Variants in LARGE1 observed in about 807,000 individuals in gnomAD.
LARGE1 encodes xylosyl- and glucuronyltransferase LARGE1.
In LARGE1, 43 loss-of-function variants were observed where a neutral mutation model predicts 87.6. That is an observed-to-expected ratio of 0.49 (90% CI 0.38 to 0.63). The LOEUF (loss-of-function observed/expected upper bound fraction) is 0.63, where lower values mean the gene tolerates loss of function less well. LARGE1 is among the 30% of genes least tolerant of loss of function. The pLI, the probability that LARGE1 is intolerant of heterozygous loss-of-function variation, is 0.00. For synonymous variants in LARGE1, 434 were observed against 394.6 expected (o/e 1.10, Z -1.18); for missense variants, 802 against 1,000.2 (o/e 0.80, Z 2.67).
intron 1 of LARGE1, among the ~76,000 whole-genome samples, chr22:33,776,698 T>C (rs1171785831): frequency 1.3e-5 from 2 of 152,192 alleles, no homozygotes; most frequent in Non-Finnish European, 2.9e-5. Flanking sequence ...GGACCAATAC[T>C]GGGAAATGCA....
chr22:33,903,301 T>C (rs2065338363), intron 1 of LARGE1, among the ~76,000 whole-genome samples: 1 of 152,044 alleles, frequency 6.6e-6, no homozygotes, highest in Admixed American at 6.6e-5. Flanking sequence ...AGGGAGAGGC[T>C]TTTGCCAACA....
intron 1 of LARGE1, among the ~76,000 whole-genome samples, chr22:33,782,239 G>A (rs561884507): frequency 2.6e-5 from 4 of 152,090 alleles, no homozygotes; most frequent in Non-Finnish European, 4.4e-5. Flanking sequence ...TGACTGAGAC[G>A]CATTTAAGAC....
At chr22:33,531,617 C>T (rs149277216) in intron 6 of LARGE1, among the ~76,000 whole-genome samples, 68 of 152,290 alleles carry the variant, frequency 4.5e-4, no homozygotes, top group African/African-American at 1.2e-3. Context: ...TATGTTGCAC[C>T]GATGCTGCTT....
At chr22:33,572,668 A>AG (rs2078240738) in intron 5 of LARGE1, among the ~76,000 whole-genome samples, 2 of 152,136 alleles carry the variant, frequency 1.3e-5, no homozygotes, top group Non-Finnish European at 2.9e-5. Flanking sequence ...TGAGGTCAGG[A>AG]GTTCAAGACC....
intron 1 of LARGE1, among the ~76,000 whole-genome samples, chr22:33,793,929 A>G (rs1043971004): frequency 6.6e-6 from 1 of 152,170 alleles, no homozygotes; most frequent in Non-Finnish European, 1.5e-5. Flanking sequence ...ATTGATAACC[A>G]TAATTTTTTT....
At chr22:33,373,972 C>CAAAAAAAAAAA (rs35830988) in intron 9 of LARGE1, among the ~76,000 whole-genome samples, 2 of 59,536 alleles carry the variant, frequency 3.4e-5, no homozygotes, top group African/African-American at 1.4e-4. Flanking sequence ...GACTCCGTCT[C>CAAAAAAAAAAA]AAAAAAAAAA....
At chr22:33,787,680 G>C (rs867016638) in intron 1 of LARGE1, among the ~76,000 whole-genome samples, 1 of 152,110 alleles carries the variant, frequency 6.6e-6, no homozygotes, top group Non-Finnish European at 1.5e-5. Flanking sequence ...CAGTTCAAAA[G>C]AACTTAGTGA....
the LARGE1 span, among the ~76,000 whole-genome samples, chr22:33,127,230 G>T: frequency 1.5e-4 from 23 of 152,160 alleles, no homozygotes; most frequent in African/African-American, 4.6e-4. Context: ...CTCCAGTGGG[G>T]CTGCCTTCTC....
At chr22:33,150,255 T>G in the LARGE1 span, among the ~76,000 whole-genome samples, 1 of 152,164 alleles carries the variant, frequency 6.6e-6, no homozygotes, top group Admixed American at 6.5e-5. Flanking sequence ...TAGTTATATT[T>G]CTTCCCTGCT....
At position 33,243,524 on chromosome 22, in the gene LARGE1, T is replaced by A. The variant is rs191464415; in HGVS notation, c.1730+60705A>T. Reference sequence around the variant, plus strand: ...TTTGTAGTCTTTAATGTCAGGCAATTTTTCTGTAAATGTAATGCCTGTGAG... The same window carrying A: ...TTTGTAGTCTTTAATGTCAGGCAATATTTCTGTAAATGTAATGCCTGTGAG... On this transcript the variant is annotated intron_variant, in intron 11 of 11. Coordinates refer to the LARGE1 transcript ENST00000608642. Among the ~76,000 whole-genome samples, 30 of 152,356 alleles carry A rather than the reference T, an allele frequency of 2.0e-4. No individual in the cohort carries two copies. In the East Asian group the frequency reaches 5.2e-3, roughly 26 times the overall value.
chr22:33,262,981 C>G (rs1927727219), intron 11 of LARGE1, among the ~76,000 whole-genome samples: 1 of 151,596 alleles, frequency 6.6e-6, no homozygotes, highest in Non-Finnish European at 1.5e-5. Flanking sequence ...AAACCTCCAT[C>G]TTGGGGGTTC....
intron 2 of LARGE1, among the ~76,000 whole-genome samples, chr22:33,701,949 T>A (rs572393147): frequency 6.6e-6 from 1 of 152,296 alleles, no homozygotes; most frequent in Non-Finnish European, 1.5e-5. Context: ...GGTGTCTGAA[T>A]CTACTTGTGT....
At chr22:33,587,062 T>C (rs1335428235) in intron 5 of LARGE1, among the ~76,000 whole-genome samples, 2 of 152,214 alleles carry the variant, frequency 1.3e-5, no homozygotes, top group East Asian at 1.9e-4. Flanking sequence ...ATCATGAGCA[T>C]TTCCCTTTCC....
At chr22:33,827,840 C>G (rs1031135995) in intron 1 of LARGE1, among the ~76,000 whole-genome samples, 3 of 152,190 alleles carry the variant, frequency 2.0e-5, no homozygotes, top group African/African-American at 4.8e-5. Flanking sequence ...TCAACACCTC[C>G]TCCCCTAGAG....
intron 4 of LARGE1, among the ~76,000 whole-genome samples, chr22:33,623,997 T>C (rs980508565): frequency 6.6e-6 from 1 of 151,956 alleles, no homozygotes; most frequent in Admixed American, 6.6e-5. Context: ...GCCACTGCAC[T>C]CCAGCCTTGG....
intron 6 of LARGE1, among the ~76,000 whole-genome samples, chr22:33,551,812 G>A (rs557362887): frequency 1.3e-5 from 2 of 152,016 alleles, no homozygotes; most frequent in African/African-American, 2.4e-5. Flanking sequence ...AAGTTATCTA[G>A]CAACCCCATC....
chr22:33,102,309 C>T, the LARGE1 span, among the ~76,000 whole-genome samples: 1 of 152,004 alleles, frequency 6.6e-6, no homozygotes, highest in Non-Finnish European at 1.5e-5. Context: ...GCTGGGACTA[C>T]AGGCGTGGGC....
At chr22:33,067,583 T>C in the LARGE1 span, among the ~76,000 whole-genome samples, 1 of 152,186 alleles carries the variant, frequency 6.6e-6, no homozygotes, top group Non-Finnish European at 1.5e-5. Flanking sequence ...TCAGAGAAGC[T>C]AAGAAACTTA....
Position 33,375,533 on chromosome 22 carries a change from C to A in LARGE1, c.1131+6386G>T, listed in dbSNP as rs141015696. 4.0e-3 allele frequency among the ~76,000 whole-genome samples: 604 copies of A among 152,132 alleles called. 3 individuals carry two copies. The highest frequency in any genetic ancestry group is 0.014 in the African/African-American group (569 of 41,526). Reference sequence around the variant, plus strand: ...CTCTCTCTATAGCAGGATACAATGGCAACAATTGGTTATATCATCAAGGCT... The same window carrying A: ...CTCTCTCTATAGCAGGATACAATGGAAACAATTGGTTATATCATCAAGGCT... On this transcript the variant is annotated intron_variant, in intron 9 of 14. Transcript: ENST00000397394.
Sources: allele counts gnomAD v4.1 joint callset (sites outside exome capture counted in the v4.1 genomes callset), GRCh38; gene constraint gnomAD v4.1.1; transcripts MANE v1.5; gene names NCBI Gene and HGNC (gene_info 2026-07-23, HGNC 2026-07-21).